KIF26B: variants seen among roughly 807,000 people sequenced by gnomAD.
KIF26B encodes the protein kinesin family member 26B.
KIF26B carries 63 observed loss-of-function variants against 151.2 expected under a neutral mutation model. The observed-to-expected ratio is 0.42, with a 90% CI of 0.34 to 0.51. The LOEUF (loss-of-function observed/expected upper bound fraction) is 0.51, where lower values mean the gene tolerates loss of function less well. Ranked by LOEUF, KIF26B falls within the 20% of genes least tolerant of loss-of-function variation. The probability of loss-of-function intolerance (pLI) is 0.07; values close to 1 mark genes in which losing one functional copy is unlikely to be tolerated. For synonymous variants in KIF26B, 1,357 were observed against 1,262.1 expected (o/e 1.08, Z -1.59); for missense variants, 2,813 against 2,913.6 (o/e 0.97, Z 0.79).
chr1:245,504,014 G>A (rs183943309), intron 4 of KIF26B, among the ~76,000 whole-genome samples: 101 of 152,252 alleles, frequency 6.6e-4, no homozygotes, highest in African/African-American at 1.9e-3. Flanking sequence ...GTCCTGCTTC[G>A]GTCGTTTTCG....
chr1:245,268,478 A>G (rs932007855), intron 2 of KIF26B, among the ~76,000 whole-genome samples: 8 of 28,870 alleles, frequency 2.8e-4, no homozygotes, highest in Non-Finnish European at 6.2e-5. Flanking sequence ...CCAAATAATA[A>G]TAATAATAAT....
At chr1:245,208,518 T>G (rs1311272886) in intron 2 of KIF26B, among the ~76,000 whole-genome samples, 2 of 152,138 alleles carry the variant, frequency 1.3e-5, no homozygotes, top group South Asian at 4.1e-4. Flanking sequence ...TCATTTTCCT[T>G]CCTCAGGAGA....
intron 2 of KIF26B, among the ~76,000 whole-genome samples, chr1:245,226,610 T>G (rs905202243): frequency 3.3e-5 from 5 of 152,034 alleles, no homozygotes; most frequent in African/African-American, 1.2e-4. Flanking sequence ...ATTACAGGCA[T>G]GCACCACCAC....
chr1:245,556,146 CT>C (rs1031126441), intron 5 of KIF26B, among the ~76,000 whole-genome samples: 13 of 152,220 alleles, frequency 8.5e-5, no homozygotes, highest in African/African-American at 2.9e-4. Context: ...ATGCTATGAC[CT>C]GCTTCCTCTG....
At chr1:245,235,766 TAGTC>T (rs1670093903) in intron 2 of KIF26B, among the ~76,000 whole-genome samples, 1 of 151,956 alleles carries the variant, frequency 6.6e-6, no homozygotes, top group South Asian at 2.1e-4. Flanking sequence ...CCTGAAATAA[TAGTC>T]AGTGTGCTAA....
In KIF26B at chr1:245,513,597, C is replaced by T. The variant is rs190660200; in HGVS notation, c.1167-27170C>T. Among the ~76,000 whole-genome samples, 4 of 152,272 alleles carry T rather than the reference C, an allele frequency of 2.6e-5. No homozygotes were observed. In the East Asian group the frequency reaches 7.7e-4, roughly 29 times the overall value. On this transcript the variant is annotated intron_variant, in intron 4 of 14. Transcript: ENST00000407071. ...CTGCCAGAAAGCTTTGCTTGAGATC[C>T]ACCGCCAGTGTTCTTGCTTTGCTCA...
chr1:245,532,447 G>A (rs545845468), intron 4 of KIF26B, among the ~76,000 whole-genome samples: 21 of 151,844 alleles, frequency 1.4e-4, no homozygotes, highest in East Asian at 7.8e-4. Flanking sequence ...GGGTTTCATC[G>A]TGTTAGCCAG....
At chr1:245,174,500 T>G (rs114920014) in intron 2 of KIF26B, among the ~76,000 whole-genome samples, 113,834 of 149,984 alleles carry the variant, frequency 0.76, 46,532 homozygotes, top group Non-Finnish European at 0.9. Context: ...ATGTATGTAC[T>G]TATTTATTTA....
At chr1:245,671,213 T>C (rs1445799359) in intron 10 of KIF26B, among the ~76,000 whole-genome samples, 3 of 152,226 alleles carry the variant, frequency 2.0e-5, no homozygotes, top group Non-Finnish European at 4.4e-5. Context: ...CCATTGTGTA[T>C]ATATACCACA....
chr1:245,302,432 G>A (rs1671441600), intron 2 of KIF26B, among the ~76,000 whole-genome samples: 1 of 152,224 alleles, frequency 6.6e-6, no homozygotes, highest in Non-Finnish European at 1.5e-5. Context: ...ATTGAGTCAT[G>A]TGATAGCATC....
Position 245,160,389 on chromosome 1 carries a change from T to C in KIF26B, c.465+3706T>C, listed in dbSNP as rs541330394. 7.9e-5 allele frequency among the ~76,000 whole-genome samples: 12 copies of C among 152,286 alleles called. 1 individual carries two copies. Among genetic ancestry groups the C allele is most frequent in the African/African-American group, 2.9e-4 (12 of 41,560 alleles). On this transcript the variant is annotated intron_variant, in intron 2 of 14. Coordinates refer to ENST00000407071, the MANE Select transcript of KIF26B (RefSeq NM_018012.4). ...TTCCAGTGTGTGAATACAAAACCAT[T>C]TCATGTCCAATGGCAAGAGCATCTT... is the stretch of plus-strand genomic sequence containing the variant.
At chr1:245,594,350 G>T (rs2043319766) in intron 5 of KIF26B, among the ~76,000 whole-genome samples, 1 of 152,108 alleles carries the variant, frequency 6.6e-6, no homozygotes, top group South Asian at 2.1e-4. Flanking sequence ...TTTGTATAAG[G>T]TATAAGGAAG....
In KIF26B at chr1:245,703,958, T is replaced by A. The variant is rs2044807731; in HGVS notation, c.*1352T>A. 1 of 152,214 alleles carries A rather than the reference T, an allele frequency of 6.6e-6. No individual in the cohort carries two copies. The highest frequency in any genetic ancestry group is 2.4e-5 in the African/African-American group (1 of 41,462). 9.4% of individuals were successfully genotyped at this position (152,214 alleles called of 1,614,324 possible). A position where few individuals can be genotyped will look rare whatever the true frequency, so the allele number is the denominator to read the frequency against. On this transcript the variant is annotated 3_prime_UTR_variant, in exon 15 of 15. Transcript: ENST00000407071. The stretch of plus-strand genomic sequence containing the variant: ...GGATAGGCAGAACATAGCTGAAGAC[T>A]ATGGATGTCCAGGTCTTGGCTCCCA...
chr1:245,611,673 G>A (rs185128998), intron 8 of KIF26B, 120 bp from the exon 9 acceptor site: 49 of 927,416 alleles, frequency 5.3e-5, no homozygotes, highest in Non-Finnish European at 1.6e-5. Context: ...GCCTTAGAGG[G>A]GCACGTGGCT....
At chr1:245,168,844 T>TGGGAAAGAATGG (rs1334044239) in intron 2 of KIF26B, among the ~76,000 whole-genome samples, 1 of 152,216 alleles carries the variant, frequency 6.6e-6, no homozygotes. Context: ...AACAGGTAGC[T>TGGGAAAGAATGG]GCCCGCTGAG....
intron 2 of KIF26B, among the ~76,000 whole-genome samples, chr1:245,319,091 G>T (rs942157334): frequency 2.0e-5 from 3 of 152,302 alleles, no homozygotes; most frequent in Non-Finnish European, 4.4e-5. Context: ...TCAGTAGAGA[G>T]CTATGGGTAT....
intron 4 of KIF26B, among the ~76,000 whole-genome samples, chr1:245,464,655 C>CGTGT (rs113838583): frequency 1.2e-4 from 15 of 125,996 alleles, no homozygotes; most frequent in Non-Finnish European, 2.4e-4. Flanking sequence ...TGTGGGTGTG[C>CGTGT]GTGTGTGTGT....
chr1:245,399,945 TA>T (rs1280895532), intron 3 of KIF26B, among the ~76,000 whole-genome samples: 2 of 152,224 alleles, frequency 1.3e-5, no homozygotes, highest in Non-Finnish European at 2.9e-5. Flanking sequence ...AGAGCTACGA[TA>T]CCAATGTTCA....
At chr1:245,265,220 A>AG (rs1670723965) in intron 2 of KIF26B, among the ~76,000 whole-genome samples, 1 of 151,766 alleles carries the variant, frequency 6.6e-6, no homozygotes, top group African/African-American at 2.4e-5. Flanking sequence ...AAAAAAAAAA[A>AG]AAAGTTGAGA....
Sources: allele counts gnomAD v4.1 joint callset (sites outside exome capture counted in the v4.1 genomes callset), GRCh38; gene constraint gnomAD v4.1.1; transcripts MANE v1.5; gene names NCBI Gene and HGNC (gene_info 2026-07-23, HGNC 2026-07-21).